The following METTL15 variants were observed in gnomAD, a reference collection of about 807,000 sequenced individuals.
The protein encoded by METTL15 is methyltransferase 15, mitochondrial 12S rRNA N4-cytidine, also known as 12S rRNA N(4)-cytidine methyltransferase METTL15.
In METTL15, 34 loss-of-function variants were observed where a neutral mutation model predicts 38.3. The ratio of observed to expected loss-of-function variants is 0.89; its 90% CI spans 0.68 to 1.18. The LOEUF (loss-of-function observed/expected upper bound fraction) is 1.18, where lower values mean the gene tolerates loss of function less well. Ranked by LOEUF, METTL15 falls within the 50% of genes most tolerant of loss-of-function variation. METTL15 has a pLI of 0.00. For missense variants in METTL15, 438 were observed against 498.4 expected (o/e 0.88, Z 1.15); for synonymous variants, 162 against 170.9 (o/e 0.95, Z 0.41).
intron 3 of METTL15, chr11:28,197,657 G>C: frequency 3.5e-6 from 1 of 288,026 alleles, no homozygotes; most frequent in South Asian, 3.4e-5. Context: ...TCAGGAATAT[G>C]TAAGTTTCTA....
At chr11:28,351,984 G>A (rs1175868804) in intron 3 of METTL15, 2 of 152,106 alleles carry the variant, frequency 1.3e-5, no homozygotes, top group Non-Finnish European at 2.9e-5. Flanking sequence ...AACTGGCACT[G>A]TAGAAAAAAA....
At chr11:28,314,259 G>T (rs755324730) in intron 6 of METTL15, among the ~76,000 whole-genome samples, 4 of 152,146 alleles carry the variant, frequency 2.6e-5, no homozygotes, top group Non-Finnish European at 5.9e-5. Context: ...AATATTTTTT[G>T]AAGAACATTT....
intron 3 of METTL15, among the ~76,000 whole-genome samples, chr11:28,201,921 A>G (rs1852131494): frequency 6.6e-6 from 1 of 152,150 alleles, no homozygotes; most frequent in Non-Finnish European, 1.5e-5. Flanking sequence ...GCTAGAAAAT[A>G]CGTTGTAAAA....
chr11:28,264,646 CATT>C (rs1360607419), intron 4 of METTL15, among the ~76,000 whole-genome samples: 1 of 152,038 alleles, frequency 6.6e-6, no homozygotes, highest in African/African-American at 2.4e-5. Flanking sequence ...ACATGTAAAA[CATT>C]ATAGTGCCCT....
intron 6 of METTL15, among the ~76,000 whole-genome samples, chr11:28,439,994 G>C (rs1407667762): frequency 6.6e-6 from 1 of 152,132 alleles, no homozygotes; most frequent in Admixed American, 6.6e-5. Context: ...AGCTGTTCCT[G>C]TGTTGGGTAG....
At position 28,346,631 on chromosome 11, in the gene METTL15, T is replaced by G. The variant is rs773256969; in HGVS notation, c.*190-5459T>G. On this transcript the variant is annotated intron_variant and NMD_transcript_variant, in intron 3 of 7. Coordinates refer to the METTL15 transcript ENST00000532947. Reference sequence around the variant, plus strand: ...AACTTCATCAGAATCACAAGAAAATTTGTTGATTTCAATTGTTCCCAACCT... The same window carrying G: ...AACTTCATCAGAATCACAAGAAAATGTGTTGATTTCAATTGTTCCCAACCT... Among the ~76,000 whole-genome samples, 5 of 152,326 alleles carry G rather than the reference T, an allele frequency of 3.3e-5. No homozygotes were observed. The South Asian group carries it at 8.3e-4, about 25-fold the overall frequency.
At chr11:28,129,601 G>A (rs1431440826) in intron 3 of METTL15, among the ~76,000 whole-genome samples, 1 of 152,024 alleles carries the variant, frequency 6.6e-6, no homozygotes, top group African/African-American at 2.4e-5. Flanking sequence ...GTAGAGATGG[G>A]ATTTCACCGT....
chr11:28,195,927 C>T (rs1416981962), intron 3 of METTL15, among the ~76,000 whole-genome samples: 2 of 151,864 alleles, frequency 1.3e-5, no homozygotes, highest in Non-Finnish European at 2.9e-5. Flanking sequence ...TGTGGCTTTC[C>T]AATTTTCATA....
At chr11:28,380,607 T>G (rs180946500) in intron 5 of METTL15, among the ~76,000 whole-genome samples, 2 of 152,304 alleles carry the variant, frequency 1.3e-5, no homozygotes, top group Admixed American at 6.5e-5. Context: ...ATGTTTTAAT[T>G]TGTTAATTTG....
intron 4 of METTL15, among the ~76,000 whole-genome samples, chr11:28,256,456 A>C (rs1854974535): frequency 6.6e-6 from 1 of 152,012 alleles, no homozygotes; most frequent in Admixed American, 6.5e-5. Flanking sequence ...CTAAGAATTT[A>C]TCCATTTCTT....
At chr11:28,459,377 A>G (rs7107532) in intron 6 of METTL15, among the ~76,000 whole-genome samples, 64,567 of 151,964 alleles carry the variant, frequency 0.42, 15,040 homozygotes, top group Admixed American at 0.54. Flanking sequence ...ATTATACAAA[A>G]TCCCACAGGC....
chr11:28,509,089 T>TG (rs574190569), intron 6 of METTL15, among the ~76,000 whole-genome samples: 2 of 152,250 alleles, frequency 1.3e-5, no homozygotes, highest in Non-Finnish European at 2.9e-5. Flanking sequence ...AAAAGGCCTC[T>TG]GTGGCACAGG....
intron 5 of METTL15, among the ~76,000 whole-genome samples, chr11:28,417,321 C>T (rs543120382): frequency 2.0e-5 from 3 of 152,068 alleles, no homozygotes; most frequent in African/African-American, 7.2e-5. Flanking sequence ...AAGAATAATG[C>T]AAAATAAAAT....
At chr11:28,446,896 T>G (rs1254544856) in intron 6 of METTL15, among the ~76,000 whole-genome samples, 3 of 152,116 alleles carry the variant, frequency 2.0e-5, no homozygotes, top group Admixed American at 6.6e-5. Flanking sequence ...CCAGATATTT[T>G]TCTATAGAAA....
At position 28,366,075 on chromosome 11, in the gene METTL15, G is replaced by A. The variant is rs117368263; in HGVS notation, c.*358+4039G>A. On this transcript the variant is annotated intron_variant and NMD_transcript_variant, in intron 5 of 7. Coordinates refer to the METTL15 transcript ENST00000532947. ...AAAAAACAAACAAATAAATAAATAA[G>A]TAAAGATCCCATTGTCAGGAGCACA... 1.1e-3 allele frequency among the ~76,000 whole-genome samples: 168 copies of A among 151,984 alleles called. 2 individuals carry two copies. The East Asian group carries it at 0.027, about 24-fold the overall frequency.
At chr11:28,376,435 CT>C (rs1850312788) in intron 5 of METTL15, among the ~76,000 whole-genome samples, 1 of 151,990 alleles carries the variant, frequency 6.6e-6, no homozygotes, top group Non-Finnish European at 1.5e-5. Context: ...TTCTTTGTCT[CT>C]TTTGATCTTT....
chr11:28,187,095 T>G (rs1473570560), intron 3 of METTL15, among the ~76,000 whole-genome samples: 1 of 151,186 alleles, frequency 6.6e-6, no homozygotes, highest in African/African-American at 2.4e-5. Flanking sequence ...AAGTAAATAA[T>G]AGAAAGCTTC....
At chr11:28,376,467 A>T (rs1222633813) in intron 5 of METTL15, among the ~76,000 whole-genome samples, 4 of 152,112 alleles carry the variant, frequency 2.6e-5, no homozygotes, top group African/African-American at 4.8e-5. Context: ...AATCTGTTTT[A>T]TCAGAGATTA....
intron 3 of METTL15, among the ~76,000 whole-genome samples, chr11:28,199,564 C>A (rs993192703): frequency 1.3e-5 from 2 of 152,072 alleles, no homozygotes; most frequent in Admixed American, 1.3e-4. Context: ...GCCAGTACAA[C>A]ACTAATTGAG....
Sources: allele counts gnomAD v4.1 joint callset (sites outside exome capture counted in the v4.1 genomes callset), GRCh38; gene constraint gnomAD v4.1.1; transcripts MANE v1.5; gene names NCBI Gene and HGNC (gene_info 2026-07-23, HGNC 2026-07-21).